Variants in SUPT3H observed in about 807,000 individuals in gnomAD.
The protein encoded by SUPT3H is SPT3 homolog, SAGA and STAGA complex component, also known as transcription initiation protein SPT3 homolog.
A neutral mutation model predicts 44.3 loss-of-function variants in SUPT3H; 44 were observed. The ratio of observed to expected loss-of-function variants is 0.99; its 90% CI spans 0.78 to 1.28. The LOEUF is 1.28. Ranked by LOEUF, SUPT3H falls within the 50% of genes most tolerant of loss-of-function variation. The pLI is 0.00. For missense variants in SUPT3H, 380 were observed against 387.1 expected (o/e 0.98, Z 0.15); for synonymous variants, 124 against 125.6 (o/e 0.99, Z 0.09).
At chr6:45,173,141 A>T (rs569802005) in intron 2 of SUPT3H, among the ~76,000 whole-genome samples, 11 of 151,748 alleles carry the variant, frequency 7.2e-5, no homozygotes, top group African/African-American at 2.7e-4. Context: ...TGGATTTCTT[A>T]AAAAAAACAC....
intron 2 of SUPT3H, among the ~76,000 whole-genome samples, chr6:45,131,355 T>C (rs1447048807): frequency 6.6e-6 from 1 of 152,158 alleles, no homozygotes. Flanking sequence ...AAAAATCTAT[T>C]CACTCTCAAT....
intron 1 of SUPT3H, among the ~76,000 whole-genome samples, chr6:45,374,559 G>A (rs1465155020): frequency 2.6e-5 from 4 of 152,160 alleles, no homozygotes; most frequent in Admixed American, 1.3e-4. Flanking sequence ...AATGCATATG[G>A]CTGAATTATT....
chr6:45,202,487 A>G (rs1442245947), intron 2 of SUPT3H, among the ~76,000 whole-genome samples: 1 of 152,034 alleles, frequency 6.6e-6, no homozygotes, highest in East Asian at 1.9e-4. Flanking sequence ...AGTATCTTCA[A>G]AAGCATTTAC....
intron 6 of SUPT3H, 57 bp from the exon 7 acceptor site, chr6:44,961,885 T>G (rs1218581279): frequency 1.5e-6 from 2 of 1,360,056 alleles, no homozygotes; most frequent in African/African-American, 2.9e-5. Context: ...ATATATGTTT[T>G]CACAGCTTAA....
chr6:44,973,492 C>T (rs914148890), intron 6 of SUPT3H, among the ~76,000 whole-genome samples: 2 of 152,172 alleles, frequency 1.3e-5, no homozygotes, highest in African/African-American at 4.8e-5. Flanking sequence ...GTCTCCTGAG[C>T]CCTCCAAGTC....
At chr6:45,291,273 A>G (rs965853607) in intron 2 of SUPT3H, among the ~76,000 whole-genome samples, 1 of 152,182 alleles carries the variant, frequency 6.6e-6, no homozygotes, top group African/African-American at 2.4e-5. Flanking sequence ...GGAACACCTC[A>G]TGGGACAAAA....
At chr6:45,109,831 T>G (rs1292968527) in intron 2 of SUPT3H, among the ~76,000 whole-genome samples, 1 of 152,176 alleles carries the variant, frequency 6.6e-6, no homozygotes, top group Non-Finnish European at 1.5e-5. Context: ...ATACAACTAT[T>G]TTGATTTTTT....
intron 2 of SUPT3H, among the ~76,000 whole-genome samples, chr6:45,301,238 GA>G (rs1782099491): frequency 6.6e-6 from 1 of 152,116 alleles, no homozygotes; most frequent in Non-Finnish European, 1.5e-5. Flanking sequence ...CTACTGCAAC[GA>G]GAAAAAGGAA....
At chr6:45,097,958 A>T (rs1276278202) in intron 3 of SUPT3H, 1 of 152,680 alleles carries the variant, frequency 6.5e-6, no homozygotes, top group African/African-American at 2.4e-5. Context: ...TGGGTCTGAT[A>T]GGATTGTGGC....
intron 2 of SUPT3H, among the ~76,000 whole-genome samples, chr6:45,261,470 GAA>G (rs150662256): frequency 6.8e-6 from 1 of 146,116 alleles, no homozygotes. Flanking sequence ...AACAAAATCA[GAA>G]AAAAAAAACA....
chr6:45,134,123 A>C (rs1803903742), intron 2 of SUPT3H, among the ~76,000 whole-genome samples: 3 of 152,186 alleles, frequency 2.0e-5, no homozygotes, highest in Admixed American at 6.5e-5. Context: ...TGGGAAGCCC[A>C]AGGTCAAGTG....
intron 2 of SUPT3H, among the ~76,000 whole-genome samples, chr6:45,211,407 TTA>T (rs1194103545): frequency 6.6e-6 from 1 of 152,136 alleles, no homozygotes; most frequent in Non-Finnish European, 1.5e-5. Context: ...AACAAGTCAC[TTA>T]TGTTTTGACC....
chr6:45,065,882 C>T (rs1032116967), intron 3 of SUPT3H, among the ~76,000 whole-genome samples: 2 of 141,946 alleles, frequency 1.4e-5, no homozygotes, highest in Non-Finnish European at 3.1e-5. Flanking sequence ...ACCAGAGGTA[C>T]AAGGAGGAAC....
At chr6:45,159,951 A>G (rs1042426939) in intron 2 of SUPT3H, among the ~76,000 whole-genome samples, 5 of 152,170 alleles carry the variant, frequency 3.3e-5, no homozygotes, top group African/African-American at 9.7e-5. Context: ...CACAATCCCA[A>G]AAATTAATGC....
At chr6:45,216,302 A>T (rs1765045531) in intron 2 of SUPT3H, among the ~76,000 whole-genome samples, 1 of 152,202 alleles carries the variant, frequency 6.6e-6, no homozygotes, top group South Asian at 2.1e-4. Flanking sequence ...GATACAGCAG[A>T]TACCTATGAG....
intron 9 of SUPT3H, among the ~76,000 whole-genome samples, chr6:44,941,118 G>A (rs139569303): frequency 1.5e-3 from 223 of 152,116 alleles, no homozygotes; most frequent in African/African-American, 5.1e-3. Flanking sequence ...TTATTTTCTA[G>A]TTGTTTGATA....
rs975618953 is a variant in SUPT3H, at chr6:45,015,797, GCA to G, written c.274-908_274-907del. Among the ~76,000 whole-genome samples the G allele has an allele frequency of 4.0e-3, 583 of 144,840 alleles. 7 individuals carry two copies. Among genetic ancestry groups the G allele is most frequent in the African/African-American group, 0.014 (557 of 40,240 alleles). On this transcript the variant is annotated intron_variant, in intron 4 of 10. Coordinates refer to ENST00000371459, the MANE Select transcript of SUPT3H (RefSeq NM_003599.4). ...AAAACTAAGATGCACACACGCGCGC[GCA>G]CACACACACACACACACACGCCTAT...
intron 2 of SUPT3H, among the ~76,000 whole-genome samples, chr6:45,213,824 C>T (rs1764533914): frequency 6.6e-6 from 1 of 151,790 alleles, no homozygotes; most frequent in South Asian, 2.1e-4. Context: ...GTCTTTATTA[C>T]CAAATCTCTA....
At chr6:45,000,159 CTT>C (rs1372210657) in intron 6 of SUPT3H, among the ~76,000 whole-genome samples, 1 of 151,784 alleles carries the variant, frequency 6.6e-6, no homozygotes. Flanking sequence ...ATAATTCTAT[CTT>C]TATTTCACAG....
Sources: allele counts gnomAD v4.1 joint callset (sites outside exome capture counted in the v4.1 genomes callset), GRCh38; gene constraint gnomAD v4.1.1; transcripts MANE v1.5; gene names NCBI Gene and HGNC (gene_info 2026-07-23, HGNC 2026-07-21).